TNC: variants seen among roughly 807,000 people sequenced by gnomAD.
TNC encodes tenascin C.
In TNC, 109 loss-of-function variants were observed where a neutral mutation model predicts 202.4. The observed-to-expected ratio is 0.54, with a 90% CI of 0.46 to 0.63. The LOEUF is 0.63. Ranked by LOEUF, TNC falls within the 30% of genes least tolerant of loss-of-function variation. TNC has a pLI of 0.00. For missense variants in TNC, 2,756 were observed against 2,833.3 expected (o/e 0.97, Z 0.62); for synonymous variants, 1,007 against 1,089.7 (o/e 0.92, Z 1.50).
intron 16 of TNC, 142 bp downstream of exon 16, chr9:115,048,118 G>T: frequency 1.9e-6 from 2 of 1,027,928 alleles, no homozygotes; most frequent in Non-Finnish European, 1.4e-6. Flanking sequence ...AGGGAGTGTG[G>T]GGAGAAGGTG....
rs756666260 is a variant in TNC, at chr9:115,062,917, C to T, written c.4033G>A (p.Glu1345Lys). 2 of 1,611,918 alleles carry T rather than the reference C, an allele frequency of 1.2e-6. No individual in the cohort carries two copies. Among genetic ancestry groups the T allele is most frequent in the African/African-American group, 2.7e-5 (2 of 74,828 alleles). ...CCAGTCTGGGAGGAGGGTCATATAC[C>T]TGTGACGACCTCTACAGCAAGGGGT... ...TRPLAVEVVT[E>K]DLPQLGDLAV... Residue 1345 changes from glutamate to lysine, a missense_variant and splice_region_variant, in exon 13 of 28, where the codon GAG (glutamate) becomes AAG (lysine). By Grantham distance (56) the Glu-to-Lys change is moderately conservative (BLOSUM62 1). Transcript: ENST00000350763.
chr9:115,096,538 A>G (rs1165072248), intron 1 of TNC, among the ~76,000 whole-genome samples: 1 of 152,212 alleles, frequency 6.6e-6, no homozygotes, highest in Admixed American at 6.5e-5. Flanking sequence ...ACTCAAAGCG[A>G]TCAAGAAGAG....
At chr9:115,102,659 T>C (rs1010378641) in intron 1 of TNC, among the ~76,000 whole-genome samples, 1 of 152,250 alleles carries the variant, frequency 6.6e-6, no homozygotes, top group Non-Finnish European at 1.5e-5. Flanking sequence ...TTATTATGCA[T>C]GCATAACTCC....
In TNC at chr9:115,103,168, C is replaced by T. The variant is rs183170650; in HGVS notation, c.-136-12014G>A. On this transcript the variant is annotated intron_variant, in intron 1 of 27. Coordinates refer to ENST00000350763, the MANE Select transcript of TNC (RefSeq NM_002160.4). ...TAGCTCCTTCCCATGAGATTCTAGA[C>T]ATCAACCCAAGGGCTTTTAAGAGCT... Among the ~76,000 whole-genome samples, 238 of 152,328 alleles carry T rather than the reference C, an allele frequency of 1.6e-3. 4 individuals are homozygous for T. The highest frequency in any genetic ancestry group is 5.6e-3 in the African/African-American group (232 of 41,580).
chr9:115,105,959 G>A (rs866869862), intron 1 of TNC, among the ~76,000 whole-genome samples: 22 of 152,108 alleles, frequency 1.4e-4, no homozygotes, highest in African/African-American at 4.8e-4. Context: ...TTTGAAGTGA[G>A]TCACAGGATT....
chr9:115,085,719 T>A, intron 3 of TNC, 145 bp downstream of exon 3: 1 of 863,218 alleles, frequency 1.2e-6, no homozygotes, highest in Admixed American at 2.9e-5. Flanking sequence ...AAAGTCATTA[T>A]GGGTGTGTGT....
intron 22 of TNC, among the ~76,000 whole-genome samples, chr9:115,033,795 C>G (rs1383520488): frequency 1.3e-5 from 2 of 152,136 alleles, no homozygotes; most frequent in East Asian, 3.9e-4. Context: ...GGAGAGGAGA[C>G]AGCAACAGGT....
At chr9:115,039,311 A>T (rs1830564275) in intron 19 of TNC, among the ~76,000 whole-genome samples, 2 of 152,168 alleles carry the variant, frequency 1.3e-5, no homozygotes, top group South Asian at 4.1e-4. Flanking sequence ...CCAAAGGGTG[A>T]CTGTTTAGTT....
chr9:115,048,251 T>C lies in TNC; in HGVS notation c.4852+9A>G. The C allele has an allele frequency of 6.2e-7, 1 of 1,609,640 alleles. No individual in the cohort carries two copies. The highest frequency in any genetic ancestry group is 8.5e-7 in the Non-Finnish European group (1 of 1,177,150). ...AAGAGGAACAAATGGCTCACTTGAT[T>C]TGAAATACCTGTAACAATCTCAGCC... On this transcript the variant is annotated intron_variant, in intron 16 of 27. Transcript: ENST00000350763.
intron 9 of TNC, among the ~76,000 whole-genome samples, chr9:115,074,233 C>T (rs1457140737): frequency 1.3e-5 from 2 of 152,222 alleles, no homozygotes; most frequent in Non-Finnish European, 2.9e-5. Flanking sequence ...ATGTTACATG[C>T]TGTATTGCTA....
At chr9:115,025,694 G>A (rs758578547) in intron 26 of TNC, among the ~76,000 whole-genome samples, 39 of 152,118 alleles carry the variant, frequency 2.6e-4, no homozygotes, top group African/African-American at 8.9e-4. Context: ...TAAAAACAAC[G>A]TCTTCATAAA....
intron 12 of TNC, 39 bp from the exon 13 acceptor site, chr9:115,063,228 G>T (rs769706852): frequency 6.2e-7 from 1 of 1,601,448 alleles, no homozygotes; most frequent in Admixed American, 1.7e-5. Flanking sequence ...ACTTAAAAAG[G>T]CAATTGCACG....
intron 26 of TNC, among the ~76,000 whole-genome samples, chr9:115,024,766 C>T (rs1437186469): frequency 1.3e-5 from 2 of 152,148 alleles, no homozygotes; most frequent in African/African-American, 2.4e-5. Context: ...GACCATGTTC[C>T]GTGATTCTTA....
intron 26 of TNC, among the ~76,000 whole-genome samples, chr9:115,026,327 A>G (rs1829478125): frequency 6.6e-6 from 1 of 152,210 alleles, no homozygotes; most frequent in African/African-American, 2.4e-5. Context: ...CTGATTCCCA[A>G]CATACTCAAT....
rs759071068 is a variant in TNC, at chr9:115,063,952, C to A, written c.3604G>T (p.Ala1202Ser). Residue 1202 changes from alanine to serine, a missense_variant, in exon 12 of 28, where the codon GCT (alanine) becomes TCT (serine). Around this residue, in one of 2 missense-constraint regions of TNC, gnomAD observed 2,559 missense variants for 2,546.0 expected, o/e 1.01. Coordinates refer to ENST00000350763, the MANE Select transcript of TNC (RefSeq NM_002160.4). ...YEYFFIQVQE[A>S]DTVEAAQNLT... Reference sequence around the variant, plus strand: ...TTCTGGGCTGCCTCTACTGTGTCAGCCTCCTGCACCTGAATGAAAAAGTAC... The same window carrying A: ...TTCTGGGCTGCCTCTACTGTGTCAGACTCCTGCACCTGAATGAAAAAGTAC... The A allele has an allele frequency of 6.2e-7, 1 of 1,614,172 alleles. No homozygotes were observed. Among genetic ancestry groups the A allele is most frequent in the Non-Finnish European group, 8.5e-7 (1 of 1,180,028 alleles).
rs1564460466 is a variant in TNC at position 115,064,821 on chromosome 9, T to G, written c.3313A>C (p.Ile1105Leu). ...TTGTTGGCCTCCTGCACCTGAATGA[T>G]AAAGTGCTCATAGGCCTGGTCAGCT... ...TAADQAYEHF[I>L]IQVQEANKVE... is the part of the protein sequence containing the mutation. The change falls in exon 11 of 28, where the codon ATC becomes CTC. Residue 1105 changes from isoleucine to leucine, a missense_variant. Around this residue, in one of 2 missense-constraint regions of TNC, gnomAD observed 2,559 missense variants for 2,546.0 expected, o/e 1.01. Transcript: ENST00000350763. 6.2e-7 allele frequency: 1 copy of G among 1,614,124 alleles called. No homozygotes were observed. Among genetic ancestry groups the G allele is most frequent in the African/African-American group, 1.3e-5 (1 of 75,028 alleles).
chr9:115,107,726 C>T (rs138058255), intron 1 of TNC, among the ~76,000 whole-genome samples: 5 of 152,222 alleles, frequency 3.3e-5, no homozygotes, highest in African/African-American at 1.2e-4. Flanking sequence ...TGGGCTGACT[C>T]CTAAAGGAAT....
chr9:115,106,188 G>A (rs1836601596), intron 1 of TNC, among the ~76,000 whole-genome samples: 1 of 152,160 alleles, frequency 6.6e-6, no homozygotes, highest in African/African-American at 2.4e-5. Flanking sequence ...CTTTACAAAT[G>A]CTGTTTAATC....
intron 18 of TNC, among the ~76,000 whole-genome samples, chr9:115,041,304 A>ACG (rs1830723402): frequency 9.4e-6 from 1 of 106,926 alleles, no homozygotes; most frequent in Non-Finnish European, 1.9e-5. Context: ...CAAAGCCAGG[A>ACG]GGGGCGGGGG....
Sources: allele counts gnomAD v4.1 joint callset (sites outside exome capture counted in the v4.1 genomes callset), GRCh38; gene constraint gnomAD v4.1.1; regional missense constraint gnomAD v4.1.1; transcripts MANE v1.5; gene names NCBI Gene and HGNC (gene_info 2026-07-23, HGNC 2026-07-21).